KIAA0753: variants seen among roughly 807,000 people sequenced by gnomAD.
The protein encoded by KIAA0753 is KIAA0753.
KIAA0753 carries 114 observed loss-of-function variants against 116.9 expected under a neutral mutation model. The ratio of observed to expected loss-of-function variants is 0.98; its 90% CI spans 0.84 to 1.14. The LOEUF (loss-of-function observed/expected upper bound fraction) is 1.14, where lower values mean the gene tolerates loss of function less well. Among genes scored for constraint, KIAA0753 ranks in the 50% most tolerant of loss-of-function variants. The pLI, the probability that KIAA0753 is intolerant of heterozygous loss-of-function variation, is 0.00. For synonymous variants in KIAA0753, 405 were observed against 413.1 expected (o/e 0.98, Z 0.24); for missense variants, 1,156 against 1,172.4 (o/e 0.99, Z 0.20).
intron 7 of KIAA0753, among the ~76,000 whole-genome samples, chr17:6,619,101 C>G (rs955297337): frequency 6.6e-6 from 1 of 151,940 alleles, no homozygotes; most frequent in African/African-American, 2.4e-5. Flanking sequence ...TGGTGGCACG[C>G]ACCTGTAATC....
chr17:6,585,441 T>C (rs1414497364), intron 18 of KIAA0753, among the ~76,000 whole-genome samples: 4 of 152,244 alleles, frequency 2.6e-5, no homozygotes, highest in South Asian at 2.1e-4. Flanking sequence ...AATTTTCTTA[T>C]AGCATTTCTC....
At chr17:6,582,400 C>T (rs968406073) in intron 18 of KIAA0753, among the ~76,000 whole-genome samples, 3 of 152,188 alleles carry the variant, frequency 2.0e-5, no homozygotes, top group African/African-American at 7.2e-5. Context: ...AAGGCCCCCG[C>T]CCCATCCCTG....
intron 18 of KIAA0753, among the ~76,000 whole-genome samples, chr17:6,586,757 T>G (rs1968607050): frequency 6.6e-6 from 1 of 152,192 alleles, no homozygotes; most frequent in Non-Finnish European, 1.5e-5. Flanking sequence ...TCAGTTTATA[T>G]CACCTGCTCA....
chr17:6,595,613 T>C (rs1402357632), intron 15 of KIAA0753, among the ~76,000 whole-genome samples: 1 of 152,284 alleles, frequency 6.6e-6, no homozygotes, highest in Non-Finnish European at 1.5e-5. Context: ...GGATTCTCGT[T>C]CTGGCTCTGC....
At chr17:6,580,113 G>C (rs1312377971) in intron 18 of KIAA0753, among the ~76,000 whole-genome samples, 7 of 151,842 alleles carry the variant, frequency 4.6e-5, no homozygotes, top group Admixed American at 4.6e-4. Context: ...TTGAACCTGG[G>C]AGGTGGAGAT....
At chr17:6,612,756 TACTCAGGAGGCTG>T (rs1413141959) in intron 7 of KIAA0753, among the ~76,000 whole-genome samples, 1 of 152,098 alleles carries the variant, frequency 6.6e-6, no homozygotes, top group African/African-American at 2.4e-5. Flanking sequence ...TAATCCCAGC[TACTCAGGAGGCTG>T]AGGCAGGAGA....
intron 7 of KIAA0753, among the ~76,000 whole-genome samples, chr17:6,616,625 GAC>G (rs1186085435): frequency 6.6e-6 from 1 of 152,192 alleles, no homozygotes. Context: ...AGGAGTTCGA[GAC>G]CCGACCAACC....
intron 16 of KIAA0753, among the ~76,000 whole-genome samples, chr17:6,592,833 T>C (rs569525846): frequency 1.3e-5 from 2 of 152,296 alleles, no homozygotes; most frequent in East Asian, 3.9e-4. Context: ...ATTAAAAATG[T>C]CTGTTCATAA....
chr17:6,615,777 T>G lies in KIAA0753; in HGVS notation c.1316-3629A>C, dbSNP rs368243107. On this transcript the variant is annotated intron_variant, in intron 7 of 18. Transcript: ENST00000361413. ...GTTTCAGGAGTGAGTTTGAGGACAC[T>G]GCTGGTGGTGGGAAGGGAGCCACCA... 5.3e-5 allele frequency among the ~76,000 whole-genome samples: 8 copies of G among 152,334 alleles called. No individual in the cohort carries two copies. In the South Asian group the frequency reaches 1.4e-3, roughly 28 times the overall value.
At chr17:6,598,522 A>AAACCTAAGAAGGAAGTTGG (rs1479135087) in intron 14 of KIAA0753, among the ~76,000 whole-genome samples, 2 of 152,214 alleles carry the variant, frequency 1.3e-5, no homozygotes, top group Non-Finnish European at 2.9e-5. Context: ...TTCTGCTCTG[A>AAACCTAAGAAGGAAGTTGG]AACCTAAGAA....
chr17:6,638,898 AC>A, intron 1 of KIAA0753: 1 of 152,596 alleles, frequency 6.6e-6, no homozygotes, highest in East Asian at 2.0e-4. Context: ...GGCCTGGGGC[AC>A]CCCCAGAACC....
At chr17:6,586,367 G>C (rs1968575415) in intron 18 of KIAA0753, among the ~76,000 whole-genome samples, 1 of 152,172 alleles carries the variant, frequency 6.6e-6, no homozygotes, top group Non-Finnish European at 1.5e-5. Flanking sequence ...GCATTCACAA[G>C]CATCTGATGC....
intron 1 of KIAA0753, chr17:6,640,286 G>C (rs2150942103): frequency 6.5e-6 from 1 of 152,762 alleles, no homozygotes; most frequent in East Asian, 1.9e-4. Context: ...CGCAGCCTGG[G>C]CAAGGCCCCA....
chr17:6,598,478 G>A (rs1390379725), intron 14 of KIAA0753, among the ~76,000 whole-genome samples: 1 of 152,174 alleles, frequency 6.6e-6, no homozygotes, highest in Non-Finnish European at 1.5e-5. Flanking sequence ...TGCCCCTAAG[G>A]TCACTGGGCC....
intron 18 of KIAA0753, among the ~76,000 whole-genome samples, chr17:6,588,233 C>T (rs556872618): frequency 5.1e-4 from 78 of 152,280 alleles, no homozygotes; most frequent in African/African-American, 1.8e-3. Flanking sequence ...GCCAAGTAAT[C>T]AATCAAGTAT....
chr17:6,583,037 T>C (rs1232011797), intron 18 of KIAA0753, among the ~76,000 whole-genome samples: 1 of 152,234 alleles, frequency 6.6e-6, no homozygotes, highest in Non-Finnish European at 1.5e-5. Context: ...TCCCTATATT[T>C]CTGACCTTCC....
intron 2 of KIAA0753, among the ~76,000 whole-genome samples, chr17:6,633,391 T>C (rs1972121274): frequency 6.6e-6 from 1 of 152,214 alleles, no homozygotes. Context: ...CAACAACAAG[T>C]GTTGGCAAAG....
rs1459694427 is a variant in KIAA0753 at position 6,628,335 on chromosome 17, G to A, written c.500C>T (p.Ser167Phe). ...CSHQPSKVEI[S>F]SSGAKVYLYS... is the part of the protein sequence containing the mutation. Reference sequence around the variant, plus strand: ...AAGGTATACTTTGGCACCAGAGCTGGAGATTTCTACTTTGGATGGCTGGTG... The same window carrying A: ...AAGGTATACTTTGGCACCAGAGCTGAAGATTTCTACTTTGGATGGCTGGTG... The change falls in exon 3 of 19, where the codon TCC (serine) becomes TTC (phenylalanine). Residue 167 changes from serine to phenylalanine, a missense_variant. By Grantham distance (155) the Ser-to-Phe change is radical. Transcript: ENST00000361413. 7 of 1,614,124 alleles carry A rather than the reference G, an allele frequency of 4.3e-6. No homozygotes were observed. The highest frequency in any genetic ancestry group is 2.2e-5 in the East Asian group (1 of 44,878).
chr17:6,583,936 C>T (rs1968380893), intron 18 of KIAA0753, among the ~76,000 whole-genome samples: 2 of 152,194 alleles, frequency 1.3e-5, no homozygotes, highest in South Asian at 4.1e-4. Flanking sequence ...TGTTATTTTC[C>T]TCCAGAGAAA....
Sources: allele counts gnomAD v4.1 joint callset (sites outside exome capture counted in the v4.1 genomes callset), GRCh38; gene constraint gnomAD v4.1.1; transcripts MANE v1.5; gene names NCBI Gene and HGNC (gene_info 2026-07-23, HGNC 2026-07-21).